Variants in PCDHGA5 observed in about 807,000 individuals in gnomAD.
The protein encoded by PCDHGA5 is protocadherin gamma subfamily A, 5, also known as protocadherin gamma-A5.
In PCDHGA5, 36 loss-of-function variants were observed where a neutral mutation model predicts 56.7. The observed-to-expected ratio is 0.64, with a 90% CI of 0.49 to 0.84. PCDHGA5 has a LOEUF of 0.84. Ranked by LOEUF, PCDHGA5 falls within the 40% of genes least tolerant of loss-of-function variation. The pLI is 0.00. For missense variants in PCDHGA5, 1,305 were observed against 1,201.5 expected, an observed-to-expected ratio of 1.09 and a Z score of -1.27; for synonymous variants, 563 against 520.2, an observed-to-expected ratio of 1.08 and a Z score of -1.12.
At chr5:141,370,623 G>T (rs1269464778) in intron 1 of PCDHGA5, 3 of 1,613,940 alleles carry the variant, frequency 1.9e-6, no homozygotes, top group African/African-American at 1.3e-5. Flanking sequence ...ATTCTTTACC[G>T]TGAGCCCCGA....
At chr5:141,404,482 C>T (rs758102201) in intron 1 of PCDHGA5, 2 of 1,613,594 alleles carry the variant, frequency 1.2e-6, no homozygotes, top group East Asian at 2.2e-5. Context: ...TTAACTCAGA[C>T]ACTGGTGTGC....
chr5:141,485,666 A>G lies in PCDHGA5; in HGVS notation c.2422-9141A>G. ...GGCTCAGGATGCAGATGTGGGGAGC[A>G]ATTCGATTAGCAGCTATAGGCTGAG... On this transcript the variant is annotated intron_variant, in intron 1 of 3. Coordinates refer to ENST00000518069, the MANE Select transcript of PCDHGA5 (RefSeq NM_018918.3). The surrounding 1 kb of genome is among the most constrained non-coding windows in gnomAD (Gnocchi z 5.7). 1 of 1,612,786 alleles carries G rather than the reference A, an allele frequency of 6.2e-7. No homozygotes were observed. Among genetic ancestry groups the G allele is most frequent in the Non-Finnish European group, 8.5e-7 (1 of 1,178,960 alleles).
intron 1 of PCDHGA5, among the ~76,000 whole-genome samples, chr5:141,439,371 TA>T (rs1008614540): frequency 7.2e-5 from 11 of 152,034 alleles, no homozygotes; most frequent in Non-Finnish European, 1.0e-4. Flanking sequence ...CAAGAAGAAA[TA>T]AAAATAAGTC....
intron 1 of PCDHGA5, chr5:141,426,867 G>C (rs1436078091): frequency 2.2e-6 from 1 of 456,590 alleles, no homozygotes; most frequent in African/African-American, 2.0e-5. Flanking sequence ...ATTAGTGCTG[G>C]AGAAGCCCCT....
intron 1 of PCDHGA5, chr5:141,413,569 G>A: frequency 1.2e-6 from 2 of 1,613,846 alleles, no homozygotes; most frequent in Non-Finnish European, 1.7e-6. Context: ...TGATATCAAT[G>A]ACAATGCTCC....
At chr5:141,389,754 G>A (rs370987485) in intron 1 of PCDHGA5, 3 of 1,612,772 alleles carry the variant, frequency 1.9e-6, no homozygotes, top group South Asian at 2.2e-5. Context: ...CACGGGCGAA[G>A]TGCGCACAGC....
chr5:141,413,441 T>A, intron 1 of PCDHGA5: 1 of 1,614,056 alleles, frequency 6.2e-7, no homozygotes, highest in South Asian at 1.1e-5. Context: ...GGCAGCTTGA[T>A]CACCGCGGGC....
intron 1 of PCDHGA5, chr5:141,399,055 GA>G: frequency 7.4e-6 from 12 of 1,613,844 alleles, no homozygotes; most frequent in Non-Finnish European, 1.0e-5. Context: ...AGAGACCAAG[GA>G]ATATTCAATG....
At chr5:141,371,656 C>T (rs772257649) in intron 1 of PCDHGA5, 6 of 1,613,886 alleles carry the variant, frequency 3.7e-6, no homozygotes, top group African/African-American at 1.3e-5. Context: ...TACAATGTGA[C>T]GATCACAGCT....
Position 141,420,738 on chromosome 5 carries a change from T to C in PCDHGA5, c.2421+53987T>C, listed in dbSNP as rs550966989. 1.5e-4 allele frequency among the ~76,000 whole-genome samples: 23 copies of C among 152,358 alleles called. 1 individual carries two copies. In the South Asian group the frequency reaches 4.6e-3, roughly 30 times the overall value. ...GTTCCTTTCAGTCGGTTAAAATCAA[T>C]TGGAACCAACTACAACCTACAAGTT... On this transcript the variant is annotated intron_variant, in intron 1 of 3. Transcript: ENST00000518069.
intron 1 of PCDHGA5, among the ~76,000 whole-genome samples, chr5:141,443,577 G>A (rs567410923): frequency 1.3e-5 from 2 of 152,284 alleles, no homozygotes; most frequent in South Asian, 4.1e-4. Context: ...ATGGACTTGA[G>A]CTAAAACAGA....
At position 141,403,190 on chromosome 5, in the gene PCDHGA5, C is replaced by G. The variant is rs768673759; in HGVS notation, c.2421+36439C>G. The G allele has an allele frequency of 1.1e-5, 17 of 1,613,864 alleles. No homozygotes were observed. The African/African-American group carries it at 2.0e-4, about 19-fold the overall frequency. On this transcript the variant is annotated intron_variant, in intron 1 of 3. Coordinates refer to ENST00000518069, the MANE Select transcript of PCDHGA5 (RefSeq NM_018918.3). ...GACGCAGCTTTTCTCTCTGAACCCG[C>G]GCAGCGGCACCTTGGTCACCGCGGG...
At chr5:141,439,183 ACT>A (rs1255299140) in intron 1 of PCDHGA5, among the ~76,000 whole-genome samples, 3 of 145,262 alleles carry the variant, frequency 2.1e-5, no homozygotes, top group Non-Finnish European at 3.0e-5. Context: ...ACATAGTGAG[ACT>A]CTGACAAAAA....
chr5:141,410,719 A>G, intron 1 of PCDHGA5: 3 of 1,407,980 alleles, frequency 2.1e-6, no homozygotes, highest in Non-Finnish European at 2.9e-6. Context: ...TCATATGTTT[A>G]AAATCCATAG....
chr5:141,505,523 G>A, intron 3 of PCDHGA5, 42 bp downstream of exon 3: 1 of 1,612,760 alleles, frequency 6.2e-7, no homozygotes, highest in Middle Eastern at 1.7e-4. Flanking sequence ...GGGAGACCTG[G>A]GGTTCTGGGG....
At chr5:141,375,990 A>T (rs1451403518) in intron 1 of PCDHGA5, 1 of 1,613,398 alleles carries the variant, frequency 6.2e-7, no homozygotes, top group African/African-American at 1.3e-5. Flanking sequence ...CTGGACAGAG[A>T]CGCGCTCAAG....
At chr5:141,423,409 G>T (rs1168604361) in intron 1 of PCDHGA5, 1 of 1,614,148 alleles carries the variant, frequency 6.2e-7, no homozygotes, top group South Asian at 1.1e-5. Flanking sequence ...CCTGCTGCAG[G>T]CTTCTGAAGG....
chr5:141,494,756 A>G (rs780402065), intron 1 of PCDHGA5, 51 bp from the exon 2 acceptor site: 2 of 1,613,460 alleles, frequency 1.2e-6, no homozygotes, highest in South Asian at 1.1e-5. Context: ...CTCGGGTGAC[A>G]TTCTAACTTC....
intron 1 of PCDHGA5, chr5:141,376,645 T>C: frequency 9.9e-7 from 1 of 1,010,330 alleles, no homozygotes; most frequent in South Asian, 1.7e-5. Flanking sequence ...TTTTGTAAAG[T>C]GGAAGACTCC....
Sources: allele counts gnomAD v4.1 joint callset (sites outside exome capture counted in the v4.1 genomes callset), GRCh38; gene constraint gnomAD v4.1.1; non-coding constraint Gnocchi (gnomAD v3.1); transcripts MANE v1.5; gene names NCBI Gene and HGNC (gene_info 2026-07-23, HGNC 2026-07-21).